The following RUBCN variants were observed in gnomAD, a reference collection of about 807,000 sequenced individuals.
The protein encoded by RUBCN is rubicon autophagy regulator, also known as run domain Beclin-1-interacting and cysteine-rich domain-containing protein.
Under a neutral mutation model 113.2 loss-of-function variants are expected in RUBCN, and 74 were observed. The ratio of observed to expected loss-of-function variants is 0.65; its 90% CI spans 0.54 to 0.79. RUBCN has a LOEUF of 0.79. RUBCN is among the 30% of genes least tolerant of loss of function. The pLI is 0.00. For synonymous variants in RUBCN, 480 were observed against 490.0 expected (o/e 0.98, Z 0.27); for missense variants, 1,109 against 1,251.7 (o/e 0.89, Z 1.72).
intron 1 of RUBCN, among the ~76,000 whole-genome samples, chr3:197,744,094 A>G (rs1010799496): frequency 6.6e-6 from 1 of 151,388 alleles, no homozygotes; most frequent in African/African-American, 2.4e-5. Flanking sequence ...TCTTTAATAT[A>G]CCAGTATAAT....
intron 1 of RUBCN, among the ~76,000 whole-genome samples, chr3:197,746,927 CT>C (rs879701874): frequency 3.8e-3 from 552 of 144,796 alleles, no homozygotes; most frequent in Non-Finnish European, 4.0e-3. Flanking sequence ...GTCTTGCTCA[CT>C]TTTTTTTTTT....
chr3:197,738,497 C>G (rs1035378193), upstream of RUBCN, among the ~76,000 whole-genome samples: 1 of 152,164 alleles, frequency 6.6e-6, no homozygotes, highest in Non-Finnish European at 1.5e-5. Flanking sequence ...AAAAAATACT[C>G]TCTTTCAAAC....
At chr3:197,736,937 G>C (rs899039870), upstream of RUBCN, 21 of 1,340,326 alleles carry the variant, frequency 1.6e-5, no homozygotes, top group Non-Finnish European at 2.0e-5. Flanking sequence ...TACAGCCCCC[G>C]GCGAGCACTC....
rs1725731580 is a variant in RUBCN, at chr3:197,717,982, C to T, written c.214G>A (p.Asp72Asn). The stretch of plus-strand genomic sequence containing the variant: ...AAAAAAGGAGTTCTGCATACCTGGT[C>T]ACGGATAAGCCCGTGATAGAGGATG... ...QSILYHGLIR[D>N]QACRRQTDYW... is the part of the protein sequence containing the mutation. Residue 72 changes from aspartate (D) to asparagine (N), a missense_variant, in exon 2 of 20, where the codon GAC (aspartate) becomes AAC (asparagine). Around this residue, in one of 3 missense-constraint regions of RUBCN, gnomAD observed 736 missense variants for 779.6 expected, o/e 0.94. Transcript: ENST00000296343. 1 of 1,613,800 alleles carries T rather than the reference C, an allele frequency of 6.2e-7. No individual in the cohort carries two copies. The highest frequency in any genetic ancestry group is 8.5e-7 in the Non-Finnish European group (1 of 1,180,034).
intron 1 of RUBCN, among the ~76,000 whole-genome samples, chr3:197,735,356 G>A (rs1216519517): frequency 1.3e-5 from 2 of 152,332 alleles, no homozygotes; most frequent in South Asian, 2.1e-4. Context: ...CCGTGTTCAC[G>A]GCACTGCGCT....
At chr3:197,700,488 A>G in intron 7 of RUBCN, 125 bp downstream of exon 7, 1 of 881,132 alleles carries the variant, frequency 1.1e-6, no homozygotes, top group Non-Finnish European at 1.8e-6. Flanking sequence ...TCATTACAAA[A>G]TAAGATGTTG....
intron 1 of RUBCN, among the ~76,000 whole-genome samples, chr3:197,720,140 G>A (rs915472974): frequency 6.6e-6 from 1 of 152,170 alleles, no homozygotes; most frequent in Admixed American, 6.6e-5. Flanking sequence ...CTACAACCAT[G>A]TACCTGTTGA....
rs757385175 is a variant in RUBCN, at chr3:197,695,868, T to C, written c.1471A>G (p.Lys491Glu). 12 of 1,613,976 alleles carry C rather than the reference T, an allele frequency of 7.4e-6. No individual in the cohort carries two copies. Among genetic ancestry groups the C allele is most frequent in the Non-Finnish European group, 9.3e-6 (11 of 1,179,888 alleles). The change falls in exon 9 of 20, where the codon AAG (lysine) becomes GAG (glutamate). Residue 491 changes from lysine (K) to glutamate (E), a missense_variant and splice_region_variant. Lys to Glu is a moderately conservative substitution (Grantham distance 56, BLOSUM62 1). Transcript: ENST00000296343. ...TCATGAGGCCCTCGATTTCCCACCT[T>C]TTCCAGGTCGGCACAGCTGCCGAAG... is the stretch of plus-strand genomic sequence containing the variant. The part of the protein sequence containing the change: ...QDFGSCADLE[K>E]ENAHFSISES...
chr3:197,725,277 C>T (rs901639248), intron 1 of RUBCN, among the ~76,000 whole-genome samples: 2 of 151,714 alleles, frequency 1.3e-5, no homozygotes, highest in Non-Finnish European at 2.9e-5. Context: ...GAGAGACTAT[C>T]ACATGTGTGT....
rs1268950805 is a variant in RUBCN at position 197,694,486 on chromosome 3, C to T, written c.1573G>A (p.Glu525Lys). 1.2e-6 allele frequency: 2 copies of T among 1,614,114 alleles called. No individual in the cohort carries two copies. Among genetic ancestry groups the T allele is most frequent in the Non-Finnish European group, 1.7e-6 (2 of 1,180,048 alleles). The change falls in exon 10 of 20, where the codon GAG becomes AAG. Residue 525 changes from glutamate (E) to lysine (K), a missense_variant. Physicochemically the swap from Glu to Lys is moderately conservative, Grantham distance 56. This residue lies in a region of RUBCN where 736 missense variants were observed against 779.6 expected (regional missense o/e 0.94). Transcript: ENST00000296343. ...TGGATCTCTCTATCACTGTCTTCCT[C>T]TTCCACTTCCTCCTCCTCTAGGCAC... ...SQCLEEEEVE[E>K]EDSDREIQEL...
At chr3:197,687,310 C>G (rs1463286127) in intron 11 of RUBCN, among the ~76,000 whole-genome samples, 1 of 152,234 alleles carries the variant, frequency 6.6e-6, no homozygotes, top group Non-Finnish European at 1.5e-5. Flanking sequence ...GGAGAAGGAA[C>G]TGATTACCTT....
chr3:197,715,717 C>T (rs1725447592), intron 2 of RUBCN, among the ~76,000 whole-genome samples: 1 of 152,210 alleles, frequency 6.6e-6, no homozygotes, highest in Admixed American at 6.5e-5. Flanking sequence ...TGGCTCTACC[C>T]TGAGCCACAG....
Position 197,749,480 on chromosome 3 carries a change from G to T in RUBCN, c.-327C>A, listed in dbSNP as rs536315283. On this transcript the variant is annotated 5_prime_UTR_variant, in exon 1 of 21. Transcript: ENST00000273582. ...GTGGAGGAGCGTGCCAGGGAGGGGG[G>T]AGCTGGGATGCAGCTGCAATCTACA... is the stretch of plus-strand genomic sequence containing the variant. The T allele has an allele frequency of 3.0e-3, 3,875 of 1,281,472 alleles. 10 individuals carry two copies. The highest frequency in any genetic ancestry group is 3.7e-3 in the Non-Finnish European group (3,635 of 983,490). 79.4% of individuals were successfully genotyped at this position (1,281,472 alleles called of 1,614,324 possible).
intron 2 of RUBCN, among the ~76,000 whole-genome samples, chr3:197,714,287 T>C (rs1725275481): frequency 6.6e-6 from 1 of 152,172 alleles, no homozygotes; most frequent in African/African-American, 2.4e-5. Context: ...CAGTCTATGA[T>C]ACAATGTTGC....
chr3:197,743,618 A>G (rs1246776252), intron 1 of RUBCN, among the ~76,000 whole-genome samples: 2 of 152,230 alleles, frequency 1.3e-5, no homozygotes, highest in Non-Finnish European at 1.5e-5. Context: ...AAAAAATTGA[A>G]CAGAAAAGAG....
chr3:197,677,421 A>G, intron 17 of RUBCN, 59 bp downstream of exon 17: 1 of 1,399,572 alleles, frequency 7.1e-7, no homozygotes, highest in Admixed American at 1.7e-5. Context: ...AAGCGCGGGG[A>G]TGTGTCCCTT....
In RUBCN at chr3:197,736,740, C is replaced by T; in HGVS notation, c.-21G>A. On this transcript the variant is annotated 5_prime_UTR_variant, in exon 1 of 20. Coordinates refer to ENST00000296343, the MANE Select transcript of RUBCN (RefSeq NM_014687.4). ...CGCATCCGGGGCGGTGAGGCCGCCT[C>T]TTCGCCCAAGAGAGGCGTCCCTGCC... 2 of 1,529,426 alleles carry T rather than the reference C, an allele frequency of 1.3e-6. No individual in the cohort carries two copies. Among genetic ancestry groups the T allele is most frequent in the Non-Finnish European group, 1.7e-6 (2 of 1,144,892 alleles). 94.7% of individuals were successfully genotyped at this position (1,529,426 alleles called of 1,614,324 possible).
chr3:197,697,214 G>GAGGGA (rs1329612086), intron 7 of RUBCN, among the ~76,000 whole-genome samples, 165 bp from the exon 8 acceptor site: 1 of 152,178 alleles, frequency 6.6e-6, no homozygotes, highest in Non-Finnish European at 1.5e-5. Context: ...GAAACACAGG[G>GAGGGA]AGGGAAGGAG....
intron 14 of RUBCN, 85 bp downstream of exon 14, chr3:197,682,385 C>T (rs1721343108): frequency 6.6e-7 from 1 of 1,506,546 alleles, no homozygotes; most frequent in Non-Finnish European, 9.2e-7. Flanking sequence ...CAGCTGGAGG[C>T]AGGGACAAGT....
Sources: allele counts gnomAD v4.1 joint callset (sites outside exome capture counted in the v4.1 genomes callset), GRCh38; gene constraint gnomAD v4.1.1; regional missense constraint gnomAD v4.1.1; transcripts MANE v1.5; gene names NCBI Gene and HGNC (gene_info 2026-07-23, HGNC 2026-07-21).